PACSIN1: variants seen among roughly 807,000 people sequenced by gnomAD.
PACSIN1 encodes protein kinase C and casein kinase substrate in neurons protein 1.
Under a neutral mutation model 59.5 loss-of-function variants are expected in PACSIN1, and 15 were observed. The ratio of observed to expected loss-of-function variants is 0.25; its 90% CI spans 0.17 to 0.39. PACSIN1 has a LOEUF of 0.39. Among genes scored for constraint, PACSIN1 ranks in the 10% least tolerant of loss-of-function variants. PACSIN1 has a pLI of 1.00. For missense variants in PACSIN1, 420 were observed against 580.2 expected, an observed-to-expected ratio of 0.72 and a Z score of 2.84; for synonymous variants, 210 against 220.6, an observed-to-expected ratio of 0.95 and a Z score of 0.42.
At position 34,514,121 on chromosome 6, in the gene PACSIN1, T is replaced by C. The variant is rs999530424; in HGVS notation, c.-63-12122T>C. On this transcript the variant is annotated intron_variant, in intron 1 of 9. Coordinates refer to ENST00000244458, the MANE Select transcript of PACSIN1 (RefSeq NM_020804.5). This position sits in a 1 kb window ranked among gnomAD's most constrained non-coding sequence, Gnocchi z 4.4. ...ACACAGACTTGTGGAAATGCATGTG[T>C]GCAAATATATGTAATGGGCGTTTGT... Among the ~76,000 whole-genome samples the C allele has an allele frequency of 6.6e-6, 1 of 152,220 alleles. No homozygotes were observed. The highest frequency in any genetic ancestry group is 2.4e-5 in the African/African-American group (1 of 41,438).
chr6:34,482,118 C>T (rs1766727920), intron 1 of PACSIN1, among the ~76,000 whole-genome samples: 3 of 151,940 alleles, frequency 2.0e-5, no homozygotes. Context: ...TGGAGTTTCA[C>T]TCTTGTTGCC....
intron 1 of PACSIN1, among the ~76,000 whole-genome samples, chr6:34,470,128 A>AT (rs1359045469): frequency 2.6e-5 from 4 of 151,948 alleles, no homozygotes; most frequent in Non-Finnish European, 5.9e-5. Context: ...CTTGGGTGTG[A>AT]GGGGCTGCAG....
Position 34,518,758 on chromosome 6 carries a change from C to T in PACSIN1, c.-63-7485C>T, listed in dbSNP as rs930287064. On this transcript the variant is annotated intron_variant, in intron 1 of 9. Coordinates refer to ENST00000244458, the MANE Select transcript of PACSIN1 (RefSeq NM_020804.5). The surrounding 1 kb of genome is among the most constrained non-coding windows in gnomAD (Gnocchi z 4.4). The stretch of plus-strand genomic sequence containing the variant: ...ACCACCCTTTGCCCTGTCCCTCACG[C>T]TGGCTGAATTTTCTCTGAACTGTTG... 2.0e-5 allele frequency among the ~76,000 whole-genome samples: 3 copies of T among 152,218 alleles called. No homozygotes were observed. The highest frequency in any genetic ancestry group is 7.2e-5 in the African/African-American group (3 of 41,458).
At chr6:34,495,304 C>T (rs10947505) in intron 1 of PACSIN1, among the ~76,000 whole-genome samples, 1 of 152,030 alleles carries the variant, frequency 6.6e-6, no homozygotes, top group Non-Finnish European at 1.5e-5. Context: ...TTCAGGAATT[C>T]TTTCCTTTAC....
At chr6:34,522,736 A>G (rs1424760577) in intron 1 of PACSIN1, among the ~76,000 whole-genome samples, 1 of 152,184 alleles carries the variant, frequency 6.6e-6, no homozygotes, top group Non-Finnish European at 1.5e-5. Context: ...CAGGGGGGCC[A>G]TGGGGTAACT....
At chr6:34,511,752 T>C (rs750678419) in intron 1 of PACSIN1, among the ~76,000 whole-genome samples, 18 of 152,236 alleles carry the variant, frequency 1.2e-4, no homozygotes, top group Non-Finnish European at 1.9e-4. Flanking sequence ...GGGAATATTA[T>C]GCAGATGAGA....
At chr6:34,510,078 A>C (rs1767175665) in intron 1 of PACSIN1, among the ~76,000 whole-genome samples, 1 of 152,262 alleles carries the variant, frequency 6.6e-6, no homozygotes, top group Non-Finnish European at 1.5e-5. Context: ...AGTAAACTGC[A>C]CAATTTGTTT....
At chr6:34,491,272 C>A (rs980234274) in intron 1 of PACSIN1, among the ~76,000 whole-genome samples, 3 of 152,112 alleles carry the variant, frequency 2.0e-5, no homozygotes, top group Admixed American at 2.0e-4. Context: ...CTAGTGCACG[C>A]GGGCCCCAGC....
intron 1 of PACSIN1, among the ~76,000 whole-genome samples, chr6:34,491,388 G>A (rs1766874367): frequency 6.6e-6 from 1 of 152,044 alleles, no homozygotes; most frequent in Admixed American, 6.6e-5. Flanking sequence ...GCTACCTGCT[G>A]GGTTCCAGCT....
Position 34,535,205 on chromosome 6 carries a change from A to T in PACSIN1, c.*2675A>T. ...AGTTGTGATTGTATGACTGTGGATA[A>T]AATCCAGAACTGTGTCAACCTGGCT... On this transcript the variant is annotated 3_prime_UTR_variant, in exon 10 of 10. Transcript: ENST00000244458. 1 of 152,366 alleles carries T rather than the reference A, an allele frequency of 6.6e-6. No individual in the cohort carries two copies. Among genetic ancestry groups the T allele is most frequent in the East Asian group, 1.9e-4 (1 of 5,188 alleles). 9.4% of individuals were successfully genotyped at this position (152,366 alleles called of 1,614,324 possible).
intron 1 of PACSIN1, among the ~76,000 whole-genome samples, chr6:34,496,573 T>C (rs1766950664): frequency 6.6e-6 from 1 of 152,256 alleles, no homozygotes; most frequent in Non-Finnish European, 1.5e-5. Context: ...GTGGGAAGAC[T>C]GATGCTGAGG....
chr6:34,535,211 A>G lies in PACSIN1; in HGVS notation c.*2681A>G, dbSNP rs568142873. On this transcript the variant is annotated 3_prime_UTR_variant, in exon 10 of 10. Transcript: ENST00000244458. ...GATTGTATGACTGTGGATAAAATCCAGAACTGTGTCAACCTGGCTGCGCAT... is the reference window on the plus strand; with the variant it reads ...GATTGTATGACTGTGGATAAAATCCGGAACTGTGTCAACCTGGCTGCGCAT... 10 of 152,392 alleles carry G rather than the reference A, an allele frequency of 6.6e-5. No individual in the cohort carries two copies. The highest frequency in any genetic ancestry group is 5.9e-4 in the Admixed American group (9 of 15,310). The allele number at this position is 152,392 out of a possible 1,614,324, so 9.4% of individuals were successfully genotyped here.
intron 1 of PACSIN1, among the ~76,000 whole-genome samples, chr6:34,524,949 G>T (rs541004381): frequency 4.6e-5 from 7 of 151,742 alleles, no homozygotes; most frequent in Non-Finnish European, 8.9e-5. Flanking sequence ...GTGACATTAA[G>T]GGTTCTAGAA....
At chr6:34,503,266 C>CAAA (rs200906223) in intron 1 of PACSIN1, among the ~76,000 whole-genome samples, 4 of 68,612 alleles carry the variant, frequency 5.8e-5, no homozygotes, top group African/African-American at 2.1e-4. Context: ...GAGATCCTGT[C>CAAA]AAAAAAAAAA....
intron 1 of PACSIN1, among the ~76,000 whole-genome samples, chr6:34,517,129 GC>G (rs1253141935): frequency 6.6e-6 from 1 of 152,166 alleles, no homozygotes; most frequent in Non-Finnish European, 1.5e-5. Context: ...AGCTCTGTCT[GC>G]CAGCTGCTCT....
chr6:34,524,049 G>A (rs989003171), intron 1 of PACSIN1, among the ~76,000 whole-genome samples: 2 of 152,202 alleles, frequency 1.3e-5, no homozygotes, highest in South Asian at 2.1e-4. Flanking sequence ...AGCAGAGCAG[G>A]GACCCTGAGG....
intron 1 of PACSIN1, among the ~76,000 whole-genome samples, chr6:34,468,807 G>A (rs1325299945): frequency 6.6e-6 from 1 of 152,218 alleles, no homozygotes; most frequent in Non-Finnish European, 1.5e-5. Flanking sequence ...TCTCCCTGCT[G>A]GGCTGTGGGG....
chr6:34,530,463 T>C lies in PACSIN1; in HGVS notation c.913T>C (p.Trp305Arg). 1 of 1,598,128 alleles carries C rather than the reference T, an allele frequency of 6.3e-7. No individual in the cohort carries two copies. The highest frequency in any genetic ancestry group is 8.5e-7 in the Non-Finnish European group (1 of 1,171,814). The change falls in exon 8 of 10, where the codon TGG becomes CGG. Residue 305 changes from tryptophan to arginine, a missense_variant. Physicochemically the swap from Trp to Arg is moderately radical, Grantham distance 101. Transcript: ENST00000244458. This position sits in a 1 kb window ranked among gnomAD's most constrained non-coding sequence, Gnocchi z 4.4. ...MPMNWPQFEE[W>R]NPDLPHTTTK... The stretch of plus-strand genomic sequence containing the variant: ...ACTGCTCCACTGGCCCCACCAGGAG[T>C]GGAACCCAGACCTTCCTCACACCAC...
chr6:34,506,303 G>A (rs768299297), intron 1 of PACSIN1, among the ~76,000 whole-genome samples: 1 of 152,024 alleles, frequency 6.6e-6, no homozygotes, highest in Non-Finnish European at 1.5e-5. Context: ...TTGCTGCCTC[G>A]ACCTACTGGG....
Sources: gnomAD v4.1 joint callset for allele counts (sites outside exome capture counted in the v4.1 genomes callset) on GRCh38, gnomAD v4.1.1 for gene constraint, Gnocchi (gnomAD v3.1) non-coding constraint, MANE v1.5 for transcripts, NCBI Gene and HGNC (gene_info 2026-07-23, HGNC 2026-07-21) for gene names.